The following RNASEH2C variants were observed in gnomAD, a reference collection of about 807,000 sequenced individuals.
RNASEH2C encodes ribonuclease H2 subunit C.
In RNASEH2C, 20 loss-of-function variants were observed where a neutral mutation model predicts 16.3. The observed-to-expected ratio is 1.23, with a 90% CI of 0.86 to 1.79. The LOEUF is 1.79. Among genes scored for constraint, RNASEH2C ranks in the 40% most tolerant of loss-of-function variants. The pLI, the probability that RNASEH2C is intolerant of heterozygous loss-of-function variation, is 0.00. For missense variants in RNASEH2C, 296 were observed against 235.9 expected, an observed-to-expected ratio of 1.25 and a Z score of -1.67; for synonymous variants, 106 against 98.9, an observed-to-expected ratio of 1.07 and a Z score of -0.43.
chr11:65,718,756 C>A lies in RNASEH2C; in HGVS notation c.*1027G>T. Reference sequence around the variant, plus strand: ...GGCCACAGATCACCATCAAGTGAGCCTGGCGCTGTCTACCTGGGGGTACAT... The same window carrying A: ...GGCCACAGATCACCATCAAGTGAGCATGGCGCTGTCTACCTGGGGGTACAT... On this transcript the variant is annotated 3_prime_UTR_variant, in exon 4 of 4. Coordinates refer to ENST00000308418, the MANE Select transcript of RNASEH2C (RefSeq NM_032193.4). The A allele has an allele frequency of 6.2e-7, 1 of 1,614,168 alleles. No homozygotes were observed. The highest frequency in any genetic ancestry group is 8.5e-7 in the Non-Finnish European group (1 of 1,180,020).
chr11:65,720,308 C>A lies in RNASEH2C; in HGVS notation c.282G>T (p.Gly94=), dbSNP rs1454646944. 1 of 1,614,056 alleles carries A rather than the reference C, an allele frequency of 6.2e-7. No homozygotes were observed. The highest frequency in any genetic ancestry group is 8.5e-7 in the Non-Finnish European group (1 of 1,180,046). ...CGGAATCCCGCAAGGGGTCTGGCTT[C>A]CCCATCGACACCTTCTTCTCTTCTG... is the stretch of plus-strand genomic sequence containing the variant. ...MVTEEKKVSM[G]KPDPLRDSGT... The change falls in exon 2 of 4, where the codon GGG becomes GGT. Residue 94 remains glycine (G), a synonymous_variant. Transcript: ENST00000308418.
rs771160923 is a variant in RNASEH2C, at chr11:65,720,301, C to A, written c.289G>T (p.Asp97Tyr). The change falls in exon 2 of 4, where the codon GAC (aspartate) becomes TAC (tyrosine). Residue 97 changes from aspartate (D) to tyrosine (Y), a missense_variant. Transcript: ENST00000308418. The stretch of plus-strand genomic sequence containing the variant: ...TCAGTCCCGGAATCCCGCAAGGGGT[C>A]TGGCTTCCCCATCGACACCTTCTTC... The part of the protein sequence containing the change: ...EEKKVSMGKP[D>Y]PLRDSGTDDQ... The A allele has an allele frequency of 4.3e-6, 7 of 1,614,222 alleles. No homozygotes were observed. The highest frequency in any genetic ancestry group is 2.5e-6 in the Non-Finnish European group (3 of 1,180,048).
chr11:65,719,693 G>C lies in RNASEH2C; in HGVS notation c.*90C>G, dbSNP rs1330157802. On this transcript the variant is annotated 3_prime_UTR_variant, in exon 4 of 4. Coordinates refer to ENST00000308418, the MANE Select transcript of RNASEH2C (RefSeq NM_032193.4). ...CGCCCAGACTCACAGGTGCTGTGAA[G>C]AGCTCCTTTATTGGGGTGATGGAAT... The C allele has an allele frequency of 1.4e-6, 2 of 1,397,692 alleles. No homozygotes were observed. The highest frequency in any genetic ancestry group is 1.7e-5 in the Admixed American group (1 of 59,684). 86.6% of individuals were successfully genotyped at this position (1,397,692 alleles called of 1,614,324 possible).
rs1857363681 is a variant in RNASEH2C, at chr11:65,720,749, C to T, written c.10G>A (p.Gly4Ser). 1.9e-6 allele frequency: 3 copies of T among 1,592,198 alleles called. No individual in the cohort carries two copies. The highest frequency in any genetic ancestry group is 2.6e-6 in the Non-Finnish European group (3 of 1,174,572). The change falls in exon 1 of 4, where the codon GGC becomes AGC. Residue 4 changes from glycine (G) to serine (S), a missense_variant. By Grantham distance (56) the Gly-to-Ser change is moderately conservative. Coordinates refer to ENST00000308418, the MANE Select transcript of RNASEH2C (RefSeq NM_032193.4). ...TGCCTCTCGATGGCCGCTTCGTCGC[C>T]GCTCTCCATCCTCCCTCCTACGCGA... MES[G>S]DEAAIERHRV...
rs753125608 is a variant in RNASEH2C at position 65,720,417 on chromosome 11, C to G, written c.173G>C (p.Gly58Ala). ...FTPAIRQGPE[G>A]LEVSFRGRCL... ...GCGGCCCCGAAACGACACTTCGAGT[C>G]CTGGAGCGGGAGGCGCAAAGGGCCT... The change falls in exon 2 of 4, where the codon GGA becomes GCA. Residue 58 changes from glycine (G) to alanine (A), a missense_variant and splice_region_variant. Transcript: ENST00000308418. The G allele has an allele frequency of 1.9e-6, 3 of 1,613,778 alleles. No individual in the cohort carries two copies. Among genetic ancestry groups the G allele is most frequent in the Non-Finnish European group, 2.5e-6 (3 of 1,180,038 alleles).
chr11:65,720,043 A>T lies in RNASEH2C; in HGVS notation c.468+2T>A. On this transcript the variant is annotated splice_donor_variant, in intron 3 of 3. Transcript: ENST00000308418. LOFTEE classifies it high-confidence loss of function. ...GCAAGACGGAACTCCTCGTCTACTC[A>T]CCGCTGCCGCAAGGCTGGGCCAAGT... The T allele has an allele frequency of 6.2e-7, 1 of 1,613,330 alleles. No homozygotes were observed.
chr11:65,719,284 G>A lies in RNASEH2C; in HGVS notation c.*499C>T. On this transcript the variant is annotated 3_prime_UTR_variant, in exon 4 of 4. Coordinates refer to ENST00000308418, the MANE Select transcript of RNASEH2C (RefSeq NM_032193.4). Reference sequence around the variant, plus strand: ...CACAAAGCACTCTAAGGGAGATGGGGCTGAGGACAGCTCAAAAAGGAGAGG... The same window carrying A: ...CACAAAGCACTCTAAGGGAGATGGGACTGAGGACAGCTCAAAAAGGAGAGG... 1 of 1,346,836 alleles carries A rather than the reference G, an allele frequency of 7.4e-7. No individual in the cohort carries two copies. Among genetic ancestry groups the A allele is most frequent in the Non-Finnish European group, 1.0e-6 (1 of 985,890 alleles). The allele number at this position is 1,346,836 out of a possible 1,614,324, so 83.4% of individuals were successfully genotyped here. A position where few individuals can be genotyped will look rare whatever the true frequency, so the allele number is the denominator to read the frequency against.
Position 65,720,339 on chromosome 11 carries a change from A to G in RNASEH2C, c.251T>C (p.Met84Thr), listed in dbSNP as rs1857351983. 3.1e-6 allele frequency: 5 copies of G among 1,614,026 alleles called. No individual in the cohort carries two copies. Among genetic ancestry groups the G allele is most frequent in the Non-Finnish European group, 4.2e-6 (5 of 1,180,010 alleles). ...AVPPGLVGYV[M>T]VTEEKKVSMG... ...CGACACCTTCTTCTCTTCTGTCACC[A>G]TCACGTATCCCACGAGGCCAGGCGG... The change falls in exon 2 of 4, where the codon ATG becomes ACG. Residue 84 changes from methionine to threonine, a missense_variant. Transcript: ENST00000308418.
chr11:65,720,328 C>CT lies in RNASEH2C; in HGVS notation c.261dup (p.Glu88ArgfsTer18). The CT allele has an allele frequency of 6.2e-7, 1 of 1,614,278 alleles. No homozygotes were observed. The highest frequency in any genetic ancestry group is 8.5e-7 in the Non-Finnish European group (1 of 1,180,056). ...GGCTTCCCCATCGACACCTTCTTCT[C>CT]TTCTGTCACCATCACGTATCCCACG... On this transcript the variant is annotated frameshift_variant, in exon 2 of 4. Coordinates refer to ENST00000308418, the MANE Select transcript of RNASEH2C (RefSeq NM_032193.4). LOFTEE classifies it high-confidence loss of function.
rs2135650079 is a variant in RNASEH2C at position 65,719,505 on chromosome 11, T to C, written c.*278A>G. 2 of 610,132 alleles carry C rather than the reference T, an allele frequency of 3.3e-6. No homozygotes were observed. Among genetic ancestry groups the C allele is most frequent in the East Asian group, 2.7e-5 (1 of 36,406 alleles). The allele number at this position is 610,132 out of a possible 1,614,324, so 37.8% of individuals were successfully genotyped here. A position where few individuals can be genotyped will look rare whatever the true frequency, so the allele number is the denominator to read the frequency against. ...GGGCTGGTGATTGTAAAAATTTCTTTTGTAAAGTAGAAGTTGGGGGTGGGG... is the reference window on the plus strand; with the variant it reads ...GGGCTGGTGATTGTAAAAATTTCTTCTGTAAAGTAGAAGTTGGGGGTGGGG... On this transcript the variant is annotated 3_prime_UTR_variant, in exon 4 of 4. Coordinates refer to ENST00000308418, the MANE Select transcript of RNASEH2C (RefSeq NM_032193.4).
In RNASEH2C at chr11:65,720,184, C is replaced by T; in HGVS notation, c.349-20G>A. 1 of 1,614,276 alleles carries T rather than the reference C, an allele frequency of 6.2e-7. No individual in the cohort carries two copies. Among genetic ancestry groups the T allele is most frequent in the African/African-American group, 1.3e-5 (1 of 75,076 alleles). On this transcript the variant is annotated intron_variant, in intron 2 of 3. Transcript: ENST00000308418. Reference sequence around the variant, plus strand: ...GCGGTCCTGGGGAAGGGGCCTGGCTCAGCATCGGGACTACAGCTCCCGCCC... The same window carrying T: ...GCGGTCCTGGGGAAGGGGCCTGGCTTAGCATCGGGACTACAGCTCCCGCCC...
rs3180585 is a variant in RNASEH2C at position 65,719,605 on chromosome 11, G to A, written c.*178C>T. The A allele has an allele frequency of 1.4e-6, 1 of 732,140 alleles. No homozygotes were observed. The allele number at this position is 732,140 out of a possible 1,614,324, so 45.4% of individuals were successfully genotyped here. On this transcript the variant is annotated 3_prime_UTR_variant, in exon 4 of 4. Coordinates refer to ENST00000308418, the MANE Select transcript of RNASEH2C (RefSeq NM_032193.4). ...GGCAATAAATTGTTTCTATATGCCAGAGCCATGCAAAGTTCTTGGTGGGGA... is the reference window on the plus strand; with the variant it reads ...GGCAATAAATTGTTTCTATATGCCAAAGCCATGCAAAGTTCTTGGTGGGGA...
Position 65,719,010 on chromosome 11 carries a change from G to C in RNASEH2C, c.*773C>G. On this transcript the variant is annotated 3_prime_UTR_variant, in exon 4 of 4. Transcript: ENST00000308418. ...TGGGATGCAGAGTGCAGTCCTCTGT[G>C]GGCTGACCACCTGCTGAACCCATCT... 2 of 1,614,018 alleles carry C rather than the reference G, an allele frequency of 1.2e-6. No individual in the cohort carries two copies. Among genetic ancestry groups the C allele is most frequent in the Non-Finnish European group, 1.7e-6 (2 of 1,179,956 alleles).
chr11:65,717,680 C>T lies in RNASEH2C; in HGVS notation c.*2103G>A, dbSNP rs1857247928. ...GGCTTTACCTGATCAAGGTTATGGT[C>T]CATTCGAGAAATTTTATTGGTTAAA... On this transcript the variant is annotated 3_prime_UTR_variant, in exon 4 of 4. Transcript: ENST00000308418. 6.5e-6 allele frequency: 1 copy of T among 152,938 alleles called. No individual in the cohort carries two copies. The highest frequency in any genetic ancestry group is 6.5e-5 in the Admixed American group (1 of 15,338). The allele number at this position is 152,938 out of a possible 1,614,324, so 9.5% of individuals were successfully genotyped here.
chr11:65,720,479 C>G (rs1353952294), intron 1 of RNASEH2C, 62 bp from the exon 2 acceptor site: 1 of 1,595,404 alleles, frequency 6.3e-7, no homozygotes, highest in Non-Finnish European at 8.5e-7. Flanking sequence ...CCGGAGCTGC[C>G]CTCCCGCCAC....
chr11:65,718,221 C>T lies in RNASEH2C; in HGVS notation c.*1562G>A, dbSNP rs1197581724. On this transcript the variant is annotated 3_prime_UTR_variant, in exon 4 of 4. Transcript: ENST00000308418. ...CTGGATTAGAGACAGGAATCTGTCT[C>T]CACTTCCTTACATGGCTAGACACAG... 2.1e-5 allele frequency: 4 copies of T among 190,362 alleles called. No individual in the cohort carries two copies. In the East Asian group the frequency reaches 3.9e-4, roughly 19 times the overall value. 11.8% of individuals were successfully genotyped at this position (190,362 alleles called of 1,614,324 possible). A position where few individuals can be genotyped will look rare whatever the true frequency, so the allele number is the denominator to read the frequency against.
At position 65,718,608 on chromosome 11, in the gene RNASEH2C, T is replaced by C; in HGVS notation, c.*1175A>G. The C allele has an allele frequency of 1.2e-6, 2 of 1,614,064 alleles. No individual in the cohort carries two copies. Among genetic ancestry groups the C allele is most frequent in the Non-Finnish European group, 1.7e-6 (2 of 1,179,992 alleles). On this transcript the variant is annotated 3_prime_UTR_variant, in exon 4 of 4. Transcript: ENST00000308418. The stretch of plus-strand genomic sequence containing the variant: ...GCTTTAGGCTATGAACTCTCCAAAG[T>C]GGAAGGGAAAACAGGGACCCCTGAG...
Position 65,720,025 on chromosome 11 carries a change from G to C in RNASEH2C, c.468+20C>G. 1 of 1,612,416 alleles carries C rather than the reference G, an allele frequency of 6.2e-7. No homozygotes were observed. Among genetic ancestry groups the C allele is most frequent in the Non-Finnish European group, 8.5e-7 (1 of 1,180,028 alleles). Reference sequence around the variant, plus strand: ...CAGCCCATCCACCCGGGGGCAAGACGGAACTCCTCGTCTACTCACCGCTGC... The same window carrying C: ...CAGCCCATCCACCCGGGGGCAAGACCGAACTCCTCGTCTACTCACCGCTGC... On this transcript the variant is annotated intron_variant, in intron 3 of 3. Coordinates refer to ENST00000308418, the MANE Select transcript of RNASEH2C (RefSeq NM_032193.4).
At position 65,719,902 on chromosome 11, in the gene RNASEH2C, C is replaced by T. The variant is rs116619725; in HGVS notation, c.469-93G>A. ...GGAAGGACCCAGCTGTTCAGAATAACCGCTTCTAGACATGCTAGGAAGAGT... is the reference window on the plus strand; with the variant it reads ...GGAAGGACCCAGCTGTTCAGAATAATCGCTTCTAGACATGCTAGGAAGAGT... On this transcript the variant is annotated intron_variant, in intron 3 of 3. Transcript: ENST00000308418. 1.1e-5 allele frequency: 17 copies of T among 1,604,564 alleles called. No homozygotes were observed. In the African/African-American group the frequency reaches 2.1e-4, roughly 20 times the overall value.
Sources: allele counts gnomAD v4.1 joint callset, GRCh38; gene constraint gnomAD v4.1.1; transcripts MANE v1.5; gene names NCBI Gene and HGNC (gene_info 2026-07-23, HGNC 2026-07-21).